Variants in SYNDIG1 observed in about 807,000 individuals in gnomAD.
SYNDIG1 encodes synapse differentiation inducing 1, also known as synapse differentiation-inducing gene protein 1.
SYNDIG1 carries 9 observed loss-of-function variants against 19.4 expected under a neutral mutation model. The observed-to-expected ratio is 0.46, with a 90% CI of 0.28 to 0.81. The LOEUF (loss-of-function observed/expected upper bound fraction) is 0.81. SYNDIG1 is among the 30% of genes least tolerant of loss of function. The pLI, the probability that SYNDIG1 is intolerant of heterozygous loss-of-function variation, is 0.12. For missense variants in SYNDIG1, 311 were observed against 343.3 expected, an observed-to-expected ratio of 0.91 and a Z score of 0.74; for synonymous variants, 141 against 145.9, an observed-to-expected ratio of 0.97 and a Z score of 0.24.
At chr20:24,553,863 G>A (rs574162023) in intron 2 of SYNDIG1, among the ~76,000 whole-genome samples, 1 of 152,312 alleles carries the variant, frequency 6.6e-6, no homozygotes, top group African/African-American at 2.4e-5. Context: ...TTGGTAGCTT[G>A]ATGGAGATGC....
intron 3 of SYNDIG1, among the ~76,000 whole-genome samples, chr20:24,602,318 T>C (rs1240320523): frequency 6.6e-6 from 1 of 152,210 alleles, no homozygotes; most frequent in Non-Finnish European, 1.5e-5. Flanking sequence ...TTCAGATAAG[T>C]TATTTCTTTG....
chr20:24,585,053 G>GTGCCCCCC, intron 3 of SYNDIG1, 60 bp downstream of exon 3: 1 of 647,992 alleles, frequency 1.5e-6, no homozygotes, highest in Non-Finnish European at 2.7e-6. Context: ...GGGGGTGGGG[G>GTGCCCCCC]CGGCAATCCC....
chr20:24,587,949 A>G (rs1463475965), intron 3 of SYNDIG1, among the ~76,000 whole-genome samples: 1 of 152,268 alleles, frequency 6.6e-6, no homozygotes, highest in Admixed American at 6.5e-5. Context: ...TCAAAGGAAC[A>G]TGCCAAGCCA....
chr20:24,596,379 A>G (rs2058594426), intron 3 of SYNDIG1, among the ~76,000 whole-genome samples: 1 of 150,964 alleles, frequency 6.6e-6, no homozygotes, highest in Non-Finnish European at 1.5e-5. Flanking sequence ...AAATCTCTAA[A>G]CCTTTTTTTT....
At chr20:24,583,286 C>T (rs1410766003) in intron 2 of SYNDIG1, among the ~76,000 whole-genome samples, 1 of 152,180 alleles carries the variant, frequency 6.6e-6, no homozygotes, top group Non-Finnish European at 1.5e-5. Context: ...ACGGGGTGGG[C>T]CCACCTGCAC....
chr20:24,647,530 G>T (rs1220195540), intron 3 of SYNDIG1, among the ~76,000 whole-genome samples: 2 of 151,938 alleles, frequency 1.3e-5, no homozygotes, highest in East Asian at 3.9e-4. Flanking sequence ...GGGGATGGGG[G>T]CTCACAGGCA....
intron 1 of SYNDIG1, among the ~76,000 whole-genome samples, chr20:24,529,266 T>A (rs2057191276): frequency 6.6e-6 from 1 of 152,196 alleles, no homozygotes; most frequent in South Asian, 2.1e-4. Flanking sequence ...ACAATGGTAC[T>A]GGTGACATTA....
At chr20:24,548,412 T>G (rs892044018) in intron 2 of SYNDIG1, among the ~76,000 whole-genome samples, 2 of 152,234 alleles carry the variant, frequency 1.3e-5, no homozygotes, top group Admixed American at 1.3e-4. Flanking sequence ...TCTTCCCATG[T>G]AAAAACTTGA....
At chr20:24,613,707 G>A (rs970067325) in intron 3 of SYNDIG1, among the ~76,000 whole-genome samples, 9 of 152,264 alleles carry the variant, frequency 5.9e-5, no homozygotes, top group African/African-American at 9.6e-5. Context: ...CTAGACTGAC[G>A]GCCGCGCCCC....
At chr20:24,626,574 C>T (rs923816517) in intron 3 of SYNDIG1, among the ~76,000 whole-genome samples, 41 of 151,394 alleles carry the variant, frequency 2.7e-4, no homozygotes, top group African/African-American at 4.9e-4. Flanking sequence ...CGGGCAGAGA[C>T]GCTCCTCACT....
intron 1 of SYNDIG1, among the ~76,000 whole-genome samples, chr20:24,521,572 T>G (rs926425718): frequency 6.2e-4 from 3 of 4,878 alleles, no homozygotes; most frequent in African/African-American, 6.1e-3. Flanking sequence ...ATATGGTTAT[T>G]CTGCTAGTAT....
At chr20:24,527,138 A>G (rs984238348) in intron 1 of SYNDIG1, among the ~76,000 whole-genome samples, 2 of 152,082 alleles carry the variant, frequency 1.3e-5, no homozygotes, top group Non-Finnish European at 2.9e-5. Context: ...GAAGAGACTG[A>G]TCTTTCTCAT....
rs868124735 is a variant in SYNDIG1 at position 24,472,551 on chromosome 20, C to T, written c.-79+2798C>T. Among the ~76,000 whole-genome samples, 6 of 152,324 alleles carry T rather than the reference C, an allele frequency of 3.9e-5. No individual in the cohort carries two copies. The Middle Eastern group carries it at 0.01, about 259-fold the overall frequency. On this transcript the variant is annotated intron_variant, in intron 1 of 3. Coordinates refer to ENST00000376862, the MANE Select transcript of SYNDIG1 (RefSeq NM_024893.3). ...TAAGATTTCTATCTGAGGCACTAGT[C>T]GGTGCTATTCTGAGGTTCATGGAGA... is the stretch of plus-strand genomic sequence containing the variant.
rs765944759 is a variant in SYNDIG1 at position 24,543,546 on chromosome 20, T to TGGA, written c.463_465dup (p.Glu155dup). The TGGA allele has an allele frequency of 7.5e-6, 12 of 1,591,974 alleles. No individual in the cohort carries two copies. The highest frequency in any genetic ancestry group is 1.1e-5 in the South Asian group (1 of 90,180). ...AAAATCCACACCCTGTCCTACGATG[T>TGGA]GGAGGAGGAGGAGGAGTTCCAGGAG... On this transcript the variant is annotated inframe_insertion, in exon 2 of 4. Transcript: ENST00000376862.
chr20:24,564,737 G>A (rs977623182), intron 2 of SYNDIG1, among the ~76,000 whole-genome samples: 1 of 151,986 alleles, frequency 6.6e-6, no homozygotes, highest in Non-Finnish European at 1.5e-5. Context: ...AGAAAGAGGT[G>A]AGAAGGAGGC....
intron 1 of SYNDIG1, among the ~76,000 whole-genome samples, chr20:24,474,020 G>A (rs1038309382): frequency 2.4e-4 from 37 of 152,198 alleles, no homozygotes; most frequent in Non-Finnish European, 5.3e-4. Flanking sequence ...ACTCACTTGG[G>A]GTGGATGGAT....
chr20:24,642,666 T>C (rs372796129), intron 3 of SYNDIG1, among the ~76,000 whole-genome samples: 3 of 152,312 alleles, frequency 2.0e-5, no homozygotes, highest in East Asian at 3.9e-4. Context: ...TTGGGAGCTC[T>C]TTCAGATTGG....
chr20:24,611,734 CCCTT>C (rs1243895978), intron 3 of SYNDIG1, among the ~76,000 whole-genome samples: 1 of 152,212 alleles, frequency 6.6e-6, no homozygotes, highest in Non-Finnish European at 1.5e-5. Context: ...CTCTCCCAGG[CCCTT>C]CCTTATGCAG....
intron 3 of SYNDIG1, among the ~76,000 whole-genome samples, chr20:24,664,996 A>G (rs2059634979): frequency 6.6e-6 from 1 of 152,188 alleles, no homozygotes; most frequent in South Asian, 2.1e-4. Flanking sequence ...GCAGCACTAG[A>G]GGAGTCTTAT....
Sources: allele counts gnomAD v4.1 joint callset (sites outside exome capture counted in the v4.1 genomes callset), GRCh38; gene constraint gnomAD v4.1.1; transcripts MANE v1.5; gene names NCBI Gene and HGNC (gene_info 2026-07-23, HGNC 2026-07-21).